RC3H1: variants seen among roughly 807,000 people sequenced by gnomAD.
The protein encoded by RC3H1 is ring finger and CCCH-type domains 1, also known as roquin-1.
Under a neutral mutation model 138.2 loss-of-function variants are expected in RC3H1, and 50 were observed. The ratio of observed to expected loss-of-function variants is 0.36; its 90% confidence interval spans 0.29 to 0.46. The LOEUF is 0.46. Among genes scored for constraint, RC3H1 ranks in the 20% least tolerant of loss-of-function variants. The pLI is 1.00. For missense variants in RC3H1, 1,031 were observed against 1,388.1 expected (o/e 0.74, Z 4.09); for synonymous variants, 462 against 489.1 (o/e 0.94, Z 0.73).
chr1:173,993,212 G>A (rs768520186), intron 1 of RC3H1, 77 bp from the exon 2 acceptor site: 6 of 515,160 alleles, frequency 1.2e-5, no homozygotes, highest in Non-Finnish European at 1.7e-5. Context: ...CACAAGTCCA[G>A]TCTTATTCCA....
intron 18 of RC3H1, among the ~76,000 whole-genome samples, chr1:173,942,273 CA>C (rs1658907763): frequency 1.4e-5 from 2 of 145,896 alleles, no homozygotes; most frequent in Non-Finnish European, 3.0e-5. Flanking sequence ...AAATAAAATA[CA>C]AAACAAAAAC....
intron 5 of RC3H1, 148 bp downstream of exon 5, chr1:173,982,579 C>G (rs1364777158): frequency 5.5e-6 from 3 of 545,014 alleles, no homozygotes; most frequent in Non-Finnish European, 9.4e-6. Context: ...TAATAAGACC[C>G]CATCTACATT....
intron 1 of RC3H1, among the ~76,000 whole-genome samples, chr1:174,011,132 A>G (rs1454536531): frequency 6.6e-6 from 1 of 152,204 alleles, no homozygotes; most frequent in East Asian, 1.9e-4. Context: ...ATTCTATTTT[A>G]TAGTGATAGA....
At chr1:173,997,935 C>T (rs928610837) in intron 1 of RC3H1, among the ~76,000 whole-genome samples, 14 of 152,100 alleles carry the variant, frequency 9.2e-5, no homozygotes, top group Admixed American at 2.6e-4. Flanking sequence ...TTTCTCTAAA[C>T]GCATTCTTCC....
rs536918054 is a variant in RC3H1, at chr1:173,988,213, C to G, written c.232-3594G>C. Among the ~76,000 whole-genome samples the G allele has an allele frequency of 5.3e-5, 8 of 152,234 alleles. No individual in the cohort carries two copies. The South Asian group carries it at 1.7e-3, about 31-fold the overall frequency. On this transcript the variant is annotated intron_variant, in intron 2 of 19. Transcript: ENST00000367696. ...AACTGTTTTACTGCCCTAAGAAATA[C>G]TGTTTCACCAATTCTATCCTCCCTC...
intron 1 of RC3H1, among the ~76,000 whole-genome samples, chr1:174,001,644 C>T (rs148134652): frequency 2.0e-5 from 3 of 152,136 alleles, no homozygotes; most frequent in African/African-American, 7.2e-5. Context: ...ACCACGTAGG[C>T]CAGGTCTCAA....
At chr1:173,941,436 A>G in intron 18 of RC3H1, 56 bp from the exon 19 acceptor site, 1 of 1,034,372 alleles carries the variant, frequency 9.7e-7, no homozygotes, top group South Asian at 1.3e-5. Flanking sequence ...TGTTAATGGG[A>G]GAGACCAAAT....
At chr1:173,940,900 C>T (rs1009256121) in intron 19 of RC3H1, among the ~76,000 whole-genome samples, 4 of 151,720 alleles carry the variant, frequency 2.6e-5, no homozygotes, top group Non-Finnish European at 5.9e-5. Context: ...TGGCTCACTG[C>T]AACCTCCTCC....
At position 173,962,049 on chromosome 1, in the gene RC3H1, T is replaced by C. The variant is rs1659908933; in HGVS notation, c.1878A>G (p.Arg626=). Residue 626 remains arginine, a synonymous_variant, in exon 12 of 20, where the codon CGA becomes CGG. Transcript: ENST00000367696. ...PPPQCVSRFV[R]PPPSAPEPAP... Reference sequence around the variant, plus strand: ...CAGGTTCAGGAGCAGATGGTGGAGGTCGGACAAAGCGGGACACACATTGTG... The same window carrying C: ...CAGGTTCAGGAGCAGATGGTGGAGGCCGGACAAAGCGGGACACACATTGTG... The C allele has an allele frequency of 6.2e-7, 1 of 1,613,680 alleles. No individual in the cohort carries two copies. The highest frequency in any genetic ancestry group is 1.3e-5 in the African/African-American group (1 of 74,808).
Position 173,938,142 on chromosome 1 carries a change from C to T in RC3H1, c.*579G>A, listed in dbSNP as rs182787506. On this transcript the variant is annotated 3_prime_UTR_variant, in exon 20 of 20. Transcript: ENST00000367696. ...GTGATCTAGAAAGGGATAAAGAATT[C>T]CAAATAACAGCTCTGGGAAAAGTTG... 2 of 152,220 alleles carry T rather than the reference C, an allele frequency of 1.3e-5. No homozygotes were observed. Among genetic ancestry groups the T allele is most frequent in the Admixed American group, 1.3e-4 (2 of 15,284 alleles). The allele number at this position is 152,220 out of a possible 1,614,324, so 9.4% of individuals were successfully genotyped here.
rs1328159042 is a variant in RC3H1 at position 173,932,984 on chromosome 1, T to TA, written c.*5736dup. 2 of 151,950 alleles carry TA rather than the reference T, an allele frequency of 1.3e-5. No homozygotes were observed. The highest frequency in any genetic ancestry group is 4.8e-5 in the African/African-American group (2 of 41,382). The allele number at this position is 151,950 out of a possible 1,614,324, so 9.4% of individuals were successfully genotyped here. ...CAAAGACTTGTGAGCTCTGTCTGCT[T>TA]AGAGTTAGAACAGAAACAAAAACAA... On this transcript the variant is annotated 3_prime_UTR_variant, in exon 20 of 20. Transcript: ENST00000367696.
At chr1:173,994,022 G>GAAAAAAAA (rs372280833) in intron 1 of RC3H1, among the ~76,000 whole-genome samples, 1 of 46,954 alleles carries the variant, frequency 2.1e-5, no homozygotes, top group African/African-American at 7.7e-5. Flanking sequence ...CTCCATCTCA[G>GAAAAAAAA]AAAAAAAAAA....
intron 2 of RC3H1, among the ~76,000 whole-genome samples, chr1:173,991,783 G>A (rs965965687): frequency 1.3e-5 from 2 of 152,144 alleles, no homozygotes; most frequent in Non-Finnish European, 2.9e-5. Context: ...CAGATGTTAA[G>A]TCAAACTTAC....
intron 7 of RC3H1, among the ~76,000 whole-genome samples, chr1:173,974,561 A>C (rs1331284661): frequency 6.6e-6 from 1 of 152,204 alleles, no homozygotes; most frequent in Non-Finnish European, 1.5e-5. Flanking sequence ...CAAGGGAAAA[A>C]CATCCAAGTT....
chr1:173,984,472 TTAAA>T (rs766481248), intron 3 of RC3H1, 23 bp downstream of exon 3: 3 of 1,607,672 alleles, frequency 1.9e-6, no homozygotes, highest in Non-Finnish European at 2.5e-6. Flanking sequence ...GTTTTACTCT[TTAAA>T]TAAGAAACAA....
At chr1:173,974,775 A>C (rs190424454) in intron 7 of RC3H1, among the ~76,000 whole-genome samples, 1 of 152,318 alleles carries the variant, frequency 6.6e-6, no homozygotes, top group Admixed American at 6.5e-5. Context: ...AGAAAGCCAC[A>C]GGAGAATTTA....
At chr1:173,966,039 G>A (rs1660102431) in intron 9 of RC3H1, among the ~76,000 whole-genome samples, 2 of 152,126 alleles carry the variant, frequency 1.3e-5, no homozygotes, top group Non-Finnish European at 2.9e-5. Flanking sequence ...CTACTCGGGA[G>A]GTTGAGGCGG....
chr1:173,980,955 T>C lies in RC3H1; in HGVS notation c.823A>G (p.Thr275Ala), dbSNP rs149873811. ...SLMQLKEEFR[T>A]YEALRREHDS... ...TGTTCTCGCCGCAGAGCTTCATAGG[T>C]TCTAAATTCTTCTTTCAGCTGCATC... Residue 275 changes from threonine (T) to alanine (A), a missense_variant, in exon 6 of 20, where the codon ACC becomes GCC. By Grantham distance (58) the Thr-to-Ala change is moderately conservative (BLOSUM62 0). Coordinates refer to ENST00000367696, the MANE Select transcript of RC3H1 (RefSeq NM_172071.4). The C allele has an allele frequency of 5.6e-5, 90 of 1,613,960 alleles. No homozygotes were observed. The African/African-American group carries it at 1.1e-3, about 20-fold the overall frequency.
At position 173,992,846 on chromosome 1, in the gene RC3H1, C is replaced by T. The variant is rs569006557; in HGVS notation, c.140G>A (p.Arg47His). 5.0e-6 allele frequency: 8 copies of T among 1,614,124 alleles called. No individual in the cohort carries two copies. The highest frequency in any genetic ancestry group is 1.6e-4 in the Middle Eastern group (1 of 6,062). Residue 47 changes from arginine to histidine, a missense_variant, in exon 2 of 20, where the codon CGC becomes CAC. Physicochemically the swap from Arg to His is conservative, Grantham distance 29. This residue lies in a region of RC3H1 where 35 missense variants were observed against 69.4 expected (regional missense o/e 0.50). Coordinates refer to ENST00000367696, the MANE Select transcript of RC3H1 (RefSeq NM_172071.4). ...VCKMCLNKLHRKACPFDQTTI... is the reference protein window; with the variant it reads ...VCKMCLNKLHHKACPFDQTTI... ...GGTCTGGTCAAATGGGCAAGCCTTG[C>T]GGTGGAGTTTATTCAGGCACATCTT...
Sources: gnomAD v4.1 joint callset for allele counts (sites outside exome capture counted in the v4.1 genomes callset) on GRCh38, gnomAD v4.1.1 for gene constraint, gnomAD v4.1.1 regional missense constraint, MANE v1.5 for transcripts, NCBI Gene and HGNC (gene_info 2026-07-23, HGNC 2026-07-21) for gene names.